Variants in USP34 observed in about 807,000 individuals in gnomAD.
The protein encoded by USP34 is ubiquitin carboxyl-terminal hydrolase 34.
Under a neutral mutation model 460.3 loss-of-function variants are expected in USP34, and 70 were observed. The ratio of observed to expected loss-of-function variants is 0.15; its 90% CI spans 0.13 to 0.19. The LOEUF is 0.19. USP34 is among the 10% of genes least tolerant of loss of function. The probability of loss-of-function intolerance (pLI) is 1.00; values close to 1 mark genes in which losing one functional copy is unlikely to be tolerated. For missense variants in USP34, 3,985 were observed against 4,236.2 expected (o/e 0.94, Z 1.65); for synonymous variants, 1,647 against 1,405.3 (o/e 1.17, Z -3.85).
intron 3 of USP34, 126 bp downstream of exon 3, chr2:61,405,582 A>T: frequency 1.0e-6 from 1 of 966,058 alleles, no homozygotes; most frequent in Non-Finnish European, 1.5e-6. Context: ...GAGAAACATT[A>T]AATAATTCTG....
At chr2:61,395,330 A>G in intron 3 of USP34, 97 bp from the exon 4 acceptor site, 1 of 802,740 alleles carries the variant, frequency 1.2e-6, no homozygotes, top group Non-Finnish European at 2.0e-6. Flanking sequence ...AAACCGAATA[A>G]ACAGATTATT....
chr2:61,204,161 G>A (rs750279611), intron 74 of USP34, 95 bp downstream of exon 74: 60 of 1,498,692 alleles, frequency 4.0e-5, no homozygotes, highest in Non-Finnish European at 5.2e-5. Context: ...CACAAAATTG[G>A]TCACTTAAGT....
intron 33 of USP34, among the ~76,000 whole-genome samples, chr2:61,290,465 C>T (rs1465582682): frequency 2.0e-5 from 3 of 151,976 alleles, no homozygotes; most frequent in Non-Finnish European, 2.9e-5. Flanking sequence ...ATAAATGAAC[C>T]GTGGTATACC....
At chr2:61,442,095 C>T (rs568174272) in intron 1 of USP34, among the ~76,000 whole-genome samples, 1 of 152,138 alleles carries the variant, frequency 6.6e-6, no homozygotes, top group South Asian at 2.1e-4. Flanking sequence ...AAACTATACC[C>T]TCACTCCTCT....
chr2:61,370,617 T>A (rs377587662), intron 8 of USP34, 38 bp from the exon 9 acceptor site: 13 of 1,577,668 alleles, frequency 8.2e-6, no homozygotes, highest in African/African-American at 5.5e-5. Context: ...TTAAAAAAAA[T>A]TGTCATCTTT....
At chr2:61,395,127 G>A (rs546520726) in intron 4 of USP34, 56 bp downstream of exon 4, 4 of 1,452,854 alleles carry the variant, frequency 2.8e-6, no homozygotes, top group African/African-American at 1.4e-5. Context: ...ATATGGATGA[G>A]GCTTTGTTAA....
At chr2:61,283,657 C>A (rs1689603210) in intron 35 of USP34, among the ~76,000 whole-genome samples, 1 of 151,992 alleles carries the variant, frequency 6.6e-6, no homozygotes, top group Non-Finnish European at 1.5e-5. Context: ...CACTCTGTTG[C>A]CCAGGCTGGA....
intron 2 of USP34, among the ~76,000 whole-genome samples, chr2:61,406,492 G>A (rs1410552093): frequency 6.6e-6 from 1 of 152,022 alleles, no homozygotes; most frequent in Non-Finnish European, 1.5e-5. Context: ...TATCTTATTA[G>A]TAAAGCCAGC....
chr2:61,392,248 T>C (rs904551582), intron 5 of USP34, among the ~76,000 whole-genome samples: 2 of 151,788 alleles, frequency 1.3e-5, no homozygotes, highest in Non-Finnish European at 2.9e-5. Flanking sequence ...GGGAGGGAGG[T>C]TTGCTTGAGC....
Position 61,227,040 on chromosome 2 carries a change from A to C in USP34, c.7595+27T>G, listed in dbSNP as rs770044551. ...AAAATAATAAAACCAAACATGCTTT[A>C]AACATTTTAAATTCGAAACATTTCA... On this transcript the variant is annotated intron_variant, in intron 62 of 79. Transcript: ENST00000398571. 6 of 1,574,486 alleles carry C rather than the reference A, an allele frequency of 3.8e-6. No homozygotes were observed. The African/African-American group carries it at 6.9e-5, about 18-fold the overall frequency.
chr2:61,294,169 C>T (rs1033187221), intron 32 of USP34, among the ~76,000 whole-genome samples: 2 of 151,858 alleles, frequency 1.3e-5, no homozygotes, highest in African/African-American at 4.8e-5. Context: ...CATGGTGAAA[C>T]CCCGTCTCTA....
chr2:61,438,274 CG>C (rs1694871581), intron 1 of USP34, among the ~76,000 whole-genome samples: 1 of 151,928 alleles, frequency 6.6e-6, no homozygotes, highest in Non-Finnish European at 1.5e-5. Context: ...TCAATAGAAT[CG>C]GAAAAAGCAT....
chr2:61,389,491 C>G (rs888076694), intron 5 of USP34, among the ~76,000 whole-genome samples: 1 of 151,856 alleles, frequency 6.6e-6, no homozygotes, highest in African/African-American at 2.4e-5. Flanking sequence ...AATGTCAATA[C>G]AAGAAAAAAT....
At chr2:61,233,966 T>C (rs1221757768) in intron 57 of USP34, among the ~76,000 whole-genome samples, 1 of 152,226 alleles carries the variant, frequency 6.6e-6, no homozygotes, top group Non-Finnish European at 1.5e-5. Flanking sequence ...TGGGTGTTTA[T>C]GGATGCATGA....
chr2:61,405,248 A>G (rs951552714), intron 3 of USP34, among the ~76,000 whole-genome samples: 1 of 149,642 alleles, frequency 6.7e-6, no homozygotes, highest in African/African-American at 2.4e-5. Flanking sequence ...AAAAAAAAAA[A>G]AAAAAAAAAG....
chr2:61,349,400 A>AACAAGAT, intron 12 of USP34, 115 bp from the exon 13 acceptor site: 1 of 1,066,988 alleles, frequency 9.4e-7, no homozygotes, highest in South Asian at 1.5e-5. Flanking sequence ...AGAAACCTGC[A>AACAAGAT]ATAAGGTTAA....
intron 43 of USP34, among the ~76,000 whole-genome samples, chr2:61,264,028 T>G (rs1688974888): frequency 6.6e-6 from 1 of 152,210 alleles, no homozygotes; most frequent in African/African-American, 2.4e-5. Flanking sequence ...CATGACCAAG[T>G]TGCCAGCTAA....
chr2:61,368,369 T>C (rs55706607), intron 10 of USP34, among the ~76,000 whole-genome samples: 25,343 of 151,882 alleles, frequency 0.17, 2,401 homozygotes, highest in South Asian at 0.36. Flanking sequence ...GAGGCAGAGG[T>C]TGCTGTGAGC....
intron 2 of USP34, among the ~76,000 whole-genome samples, chr2:61,412,886 CAAA>C (rs10717013): frequency 2.8e-5 from 2 of 72,642 alleles, no homozygotes; most frequent in African/African-American, 5.0e-5. Context: ...AATCCCATCT[CAAA>C]AAAAAAAAAA....
Sources: allele counts gnomAD v4.1 joint callset (sites outside exome capture counted in the v4.1 genomes callset), GRCh38; gene constraint gnomAD v4.1.1; transcripts MANE v1.5; gene names NCBI Gene and HGNC (gene_info 2026-07-23, HGNC 2026-07-21).